DRC9: variants seen among roughly 807,000 people sequenced by gnomAD.
The protein encoded by DRC9 is dynein regulatory complex subunit 9, also known as dynein regulatory complex protein 9.
At chr3:197,913,069 G>A in the DRC9 span, 1 of 278,632 alleles carries the variant, frequency 3.6e-6, no homozygotes, top group African/African-American at 2.2e-5. Context: ...CAGGAAGAGT[G>A]TTGACGTGGC....
the DRC9 span, among the ~76,000 whole-genome samples, chr3:197,933,708 C>G: frequency 6.6e-6 from 1 of 151,980 alleles, no homozygotes; most frequent in African/African-American, 2.4e-5. Flanking sequence ...GATAAACACT[C>G]TTCTGAATTT....
At chr3:197,892,091 T>C in the DRC9 span, among the ~76,000 whole-genome samples, 8 of 152,226 alleles carry the variant, frequency 5.3e-5, no homozygotes, top group Non-Finnish European at 1.2e-4. Context: ...GGTTTTGCCA[T>C]GTTACCCAGG....
the DRC9 span, among the ~76,000 whole-genome samples, chr3:197,895,293 A>G: frequency 6.6e-6 from 1 of 152,162 alleles, no homozygotes; most frequent in Non-Finnish European, 1.5e-5. Context: ...ACTTTGAGAT[A>G]AGGTCTGGAT....
the DRC9 span, among the ~76,000 whole-genome samples, chr3:197,908,920 C>T: frequency 6.6e-6 from 1 of 152,126 alleles, no homozygotes; most frequent in African/African-American, 2.4e-5. Context: ...GGTGACTGTA[C>T]CAGGTCTGAA....
chr3:197,899,280 G>GTTTGTT, the DRC9 span, among the ~76,000 whole-genome samples: 148 of 152,280 alleles, frequency 9.7e-4, 3 homozygotes, highest in East Asian at 0.022. Flanking sequence ...TAATAATCTG[G>GTTTGTT]TTTGTTTTCT....
the DRC9 span, among the ~76,000 whole-genome samples, chr3:197,910,480 G>A: frequency 6.6e-6 from 1 of 152,108 alleles, no homozygotes; most frequent in Non-Finnish European, 1.5e-5. Context: ...AATTCTTAAA[G>A]TGCAGGGCTA....
the DRC9 span, among the ~76,000 whole-genome samples, chr3:197,900,480 G>A: frequency 7.2e-5 from 11 of 151,900 alleles, no homozygotes; most frequent in Non-Finnish European, 1.5e-5. The surrounding 1 kb of genome is among the most constrained non-coding windows in gnomAD (Gnocchi z 4.7). Context: ...AGCAGAACAA[G>A]GCACTGGGCA....
chr3:197,908,240 T>A, the DRC9 span, among the ~76,000 whole-genome samples: 4 of 129,062 alleles, frequency 3.1e-5, no homozygotes, highest in Non-Finnish European at 6.3e-5. Context: ...ATGTACCAGG[T>A]CTGAAGAGTG....
the DRC9 span, chr3:197,960,104 G>A: frequency 2.4e-6 from 2 of 834,962 alleles, no homozygotes; most frequent in Non-Finnish European, 1.8e-6. Flanking sequence ...CTTCTGCGGC[G>A]AACTTCTAGC....
At chr3:197,902,222 C>T in the DRC9 span, among the ~76,000 whole-genome samples, 29,474 of 152,032 alleles carry the variant, frequency 0.19, 4,526 homozygotes, top group African/African-American at 0.43. Flanking sequence ...CCTTCGTATG[C>T]CTAGAAAGCC....
the DRC9 span, chr3:197,951,363 C>T: frequency 6.3e-7 from 1 of 1,586,646 alleles, no homozygotes; most frequent in Non-Finnish European, 8.7e-7. Context: ...GCCTCATTTT[C>T]TTTTTTATAT....
chr3:197,914,026 A>G, the DRC9 span: 9 of 1,613,866 alleles, frequency 5.6e-6, no homozygotes, highest in South Asian at 6.6e-5. Context: ...GAGGTTAGCA[A>G]TATACTCATT....
chr3:197,947,823 T>C, the DRC9 span, among the ~76,000 whole-genome samples: 37 of 152,240 alleles, frequency 2.4e-4, no homozygotes, highest in African/African-American at 7.5e-4. Context: ...TCATGGCTCC[T>C]GTCAGGCAAT....
chr3:197,940,951 G>C, the DRC9 span, among the ~76,000 whole-genome samples: 1 of 152,112 alleles, frequency 6.6e-6, no homozygotes, highest in Non-Finnish European at 1.5e-5. Context: ...GAAAAAAACA[G>C]TGCAAAAGTT....
At chr3:197,956,912 C>CATA in the DRC9 span, 1 of 152,176 alleles carries the variant, frequency 6.6e-6, no homozygotes, top group Non-Finnish European at 1.5e-5. Context: ...ATCTCTACAG[C>CATA]ACAGGTAGTT....
At chr3:197,943,981 C>T in the DRC9 span, 327 of 1,613,900 alleles carry the variant, frequency 2.0e-4, 2 homozygotes, top group African/African-American at 4.1e-4. Flanking sequence ...CTAGGTGGTT[C>T]GCCTGTCACT....
At chr3:197,932,354 G>C in the DRC9 span, 1 of 1,520,884 alleles carries the variant, frequency 6.6e-7, no homozygotes, top group Non-Finnish European at 9.0e-7. Flanking sequence ...TCTATTTTCA[G>C]CCGGGCATGG....
the DRC9 span, among the ~76,000 whole-genome samples, chr3:197,955,512 T>A: frequency 2.0e-5 from 3 of 152,178 alleles, no homozygotes; most frequent in African/African-American, 7.2e-5. Context: ...TCTGCCCGCC[T>A]AGGCCTCCCA....
At chr3:197,913,789 C>G in the DRC9 span, 2 of 1,311,018 alleles carry the variant, frequency 1.5e-6, no homozygotes, top group East Asian at 2.3e-5. Flanking sequence ...GGAGGGAAAT[C>G]TTTGTCTCCC....
Sources: allele counts gnomAD v4.1 joint callset (sites outside exome capture counted in the v4.1 genomes callset), GRCh38; gene constraint gnomAD v4.1.1; non-coding constraint Gnocchi (gnomAD v3.1); transcripts MANE v1.5; gene names NCBI Gene and HGNC (gene_info 2026-07-23, HGNC 2026-07-21).